The following CD96 variants were observed in gnomAD, a reference collection of about 807,000 sequenced individuals.
The protein encoded by CD96 is CD96 molecule.
A neutral mutation model predicts 71.3 loss-of-function variants in CD96; 70 were observed. That is an observed-to-expected ratio of 0.98 (90% CI 0.81 to 1.20). The LOEUF is 1.20. Ranked by LOEUF, CD96 falls within the 50% of genes most tolerant of loss-of-function variation. The pLI is 0.00. For synonymous variants in CD96, 248 were observed against 233.0 expected (o/e 1.06, Z -0.59); for missense variants, 742 against 677.5 (o/e 1.10, Z -1.06).
rs1295641771 is a variant in CD96, at chr3:111,647,610, C to T, written c.1545C>T (p.Cys515=). Residue 515 remains cysteine, a synonymous_variant, in exon 13 of 14, where the codon TGC becomes TGT. Transcript: ENST00000352690. ...WPVIVAALLF[C]CMILFGLGVR... ...TGATTGTAGCAGCTTTACTCTTTTG[C>T]TGCATGATATTGTTTGGTCTTGGAG... 1 of 1,611,710 alleles carries T rather than the reference C, an allele frequency of 6.2e-7. No homozygotes were observed. The highest frequency in any genetic ancestry group is 1.7e-5 in the Admixed American group (1 of 60,002).
intron 2 of CD96, among the ~76,000 whole-genome samples, chr3:111,554,662 G>GC (rs1369304751): frequency 4.6e-5 from 7 of 152,026 alleles, no homozygotes; most frequent in Non-Finnish European, 8.8e-5. Context: ...TAAAGCAGCA[G>GC]TACCCAACTT....
intron 3 of CD96, among the ~76,000 whole-genome samples, chr3:111,571,341 C>A (rs1352610152): frequency 1.3e-5 from 2 of 151,220 alleles, no homozygotes; most frequent in African/African-American, 2.4e-5. Flanking sequence ...TCCCCTTTCC[C>A]CACAGTCTTA....
intron 7 of CD96, among the ~76,000 whole-genome samples, chr3:111,601,894 C>A (rs1937509170): frequency 6.6e-6 from 1 of 152,194 alleles, no homozygotes; most frequent in Admixed American, 6.5e-5. Flanking sequence ...ATAAATCTAT[C>A]CCTACTACTC....
At chr3:111,564,682 T>A (rs35780701) in intron 2 of CD96, among the ~76,000 whole-genome samples, 7,528 of 152,264 alleles carry the variant, frequency 0.049, 250 homozygotes, top group Middle Eastern at 0.088. Context: ...AATGTTATTT[T>A]GTTCTCTATT....
Position 111,649,789 on chromosome 3 carries a change from G to A in CD96, c.1693G>A (p.Glu565Lys), listed in dbSNP as rs1242034669. Residue 565 changes from glutamate (E) to lysine (K), a missense_variant, in exon 14 of 14, where the codon GAG (glutamate) becomes AAG (lysine). By Grantham distance (56) the Glu-to-Lys change is moderately conservative. Transcript: ENST00000352690. ...EPNESDLPYH[E>K]METL ...CAACGAAAGTGATCTGCCTTATCAT[G>A]AGATGGAGACCCTCTAGTCTCGTGA... 1.2e-6 allele frequency: 2 copies of A among 1,603,918 alleles called. No homozygotes were observed. Among genetic ancestry groups the A allele is most frequent in the Non-Finnish European group, 1.7e-6 (2 of 1,170,770 alleles).
At chr3:111,648,295 G>C (rs1156407622) in intron 13 of CD96, among the ~76,000 whole-genome samples, 1 of 152,168 alleles carries the variant, frequency 6.6e-6, no homozygotes, top group Non-Finnish European at 1.5e-5. Flanking sequence ...GCCATAACTG[G>C]AAGGGACCCC....
Position 111,646,866 on chromosome 3 carries a change from C to A in CD96, c.1478-677C>A, listed in dbSNP as rs1037350452. On this transcript the variant is annotated intron_variant, in intron 12 of 13. Coordinates refer to ENST00000352690, the MANE Select transcript of CD96 (RefSeq NM_005816.5). Reference sequence around the variant, plus strand: ...TAAAGAAAACGTGGTACATATACACCATGGAATACTATGAAACCATAAAAA... The same window carrying A: ...TAAAGAAAACGTGGTACATATACACAATGGAATACTATGAAACCATAAAAA... Among the ~76,000 whole-genome samples the A allele has an allele frequency of 2.6e-5, 4 of 151,910 alleles. No homozygotes were observed. The South Asian group carries it at 6.2e-4, about 24-fold the overall frequency.
At chr3:111,570,997 C>T in intron 3 of CD96, 1 of 1,472,182 alleles carries the variant, frequency 6.8e-7, no homozygotes, top group South Asian at 1.1e-5. Flanking sequence ...GAGGGCATCT[C>T]CTGCTCCTCC....
intron 3 of CD96, among the ~76,000 whole-genome samples, chr3:111,572,609 G>A (rs1354497107): frequency 6.6e-6 from 1 of 152,080 alleles, no homozygotes; most frequent in Non-Finnish European, 1.5e-5. Flanking sequence ...AATGATGAAG[G>A]TGAGCTCAGG....
At chr3:111,640,969 A>G (rs1290083165) in intron 12 of CD96, among the ~76,000 whole-genome samples, 7 of 152,250 alleles carry the variant, frequency 4.6e-5, no homozygotes, top group Admixed American at 4.6e-4. Context: ...CCACTACAGG[A>G]ACTGCTAAAA....
At chr3:111,637,963 G>A in intron 11 of CD96, 116 bp from the exon 12 acceptor site, 1 of 756,618 alleles carries the variant, frequency 1.3e-6, no homozygotes, top group Admixed American at 1.8e-5. Context: ...ATATTTAAGG[G>A]ATACTTAGAC....
In CD96 at chr3:111,567,633, T is replaced by C. The variant is rs1276025976; in HGVS notation, c.529T>C (p.Tyr177His). The C allele has an allele frequency of 1.2e-6, 2 of 1,613,116 alleles. No individual in the cohort carries two copies. Among genetic ancestry groups the C allele is most frequent in the African/African-American group, 2.7e-5 (2 of 74,916 alleles). ...SSSKISSEFTYAWSVEDNGTQ... is the reference protein window; with the variant it reads ...SSSKISSEFTHAWSVEDNGTQ... The stretch of plus-strand genomic sequence containing the variant: ...CTCAAAAATTTCATCTGAGTTCACC[T>C]ATGCATGGTCGGTGGTAAGTGTTGC... Residue 177 changes from tyrosine (Y) to histidine (H), a missense_variant, in exon 3 of 14, where the codon TAT (tyrosine) becomes CAT (histidine). Transcript: ENST00000352690.
chr3:111,555,527 T>C (rs1347023165), intron 2 of CD96, among the ~76,000 whole-genome samples: 1 of 152,300 alleles, frequency 6.6e-6, no homozygotes, highest in Non-Finnish European at 1.5e-5. Flanking sequence ...AATATATCTT[T>C]CGATCGCCAT....
chr3:111,659,863 A>C (rs1436057151), intron 14 of CD96, among the ~76,000 whole-genome samples: 8 of 152,194 alleles, frequency 5.3e-5, no homozygotes, highest in African/African-American at 1.9e-4. Context: ...ATTAGGCATC[A>C]AAGGAACATA....
In CD96 at chr3:111,652,273, A is replaced by G. The variant is rs568472248; in HGVS notation, c.*2467A>G. 54 of 152,302 alleles carry G rather than the reference A, an allele frequency of 3.5e-4. No individual in the cohort carries two copies. Among genetic ancestry groups the G allele is most frequent in the Admixed American group, 3.2e-3 (49 of 15,304 alleles). The allele number at this position is 152,302 out of a possible 1,614,324, so 9.4% of individuals were successfully genotyped here. ...ATCTTTAGTTCCTTATTAGTTCTCA[A>G]GAAACAAATGCTAGCTTCATATGTA... On this transcript the variant is annotated 3_prime_UTR_variant, in exon 14 of 14. Coordinates refer to ENST00000352690, the MANE Select transcript of CD96 (RefSeq NM_005816.5).
At chr3:111,573,926 C>T (rs767505933) in intron 3 of CD96, among the ~76,000 whole-genome samples, 17 of 152,172 alleles carry the variant, frequency 1.1e-4, no homozygotes, top group Non-Finnish European at 2.2e-4. Context: ...AACCAAACTA[C>T]AAAGTGTTGA....
chr3:111,637,647 T>C (rs1939393880), intron 11 of CD96, among the ~76,000 whole-genome samples: 1 of 152,210 alleles, frequency 6.6e-6, no homozygotes, highest in African/African-American at 2.4e-5. Context: ...AATTAGTATT[T>C]TGATCAGCTG....
intron 2 of CD96, among the ~76,000 whole-genome samples, chr3:111,551,788 G>A (rs1454402967): frequency 6.6e-6 from 1 of 152,082 alleles, no homozygotes; most frequent in East Asian, 1.9e-4. Flanking sequence ...ATAACAGAAT[G>A]ATTTATATTC....
At chr3:111,563,176 T>C (rs1417662573) in intron 2 of CD96, among the ~76,000 whole-genome samples, 1 of 152,212 alleles carries the variant, frequency 6.6e-6, no homozygotes, top group Non-Finnish European at 1.5e-5. Context: ...TTCCACCTTC[T>C]AATACTGACA....
Sources: gnomAD v4.1 joint callset for allele counts (sites outside exome capture counted in the v4.1 genomes callset) on GRCh38, gnomAD v4.1.1 for gene constraint, MANE v1.5 for transcripts, NCBI Gene and HGNC (gene_info 2026-07-23, HGNC 2026-07-21) for gene names.